The following KTN1 variants were observed in gnomAD, a reference collection of about 807,000 sequenced individuals.
KTN1 encodes kinectin.
Under a neutral mutation model 222.5 loss-of-function variants are expected in KTN1, and 130 were observed. The ratio of observed to expected loss-of-function variants is 0.58; its 90% CI spans 0.51 to 0.68. The LOEUF is 0.68. KTN1 is among the 30% of genes least tolerant of loss of function. The pLI is 0.00. For missense variants in KTN1, 1,508 were observed against 1,500.4 expected, an observed-to-expected ratio of 1.01 and a Z score of -0.08; for synonymous variants, 512 against 496.3, an observed-to-expected ratio of 1.03 and a Z score of -0.42.
intron 2 of KTN1, among the ~76,000 whole-genome samples, chr14:55,613,032 C>G (rs1290979303): frequency 6.6e-6 from 1 of 152,134 alleles, no homozygotes; most frequent in Non-Finnish European, 1.5e-5. Flanking sequence ...AGGTGAAAAG[C>G]TAAAATCAGA....
In KTN1 at chr14:55,606,235, C is replaced by T. The variant is rs1047139575; in HGVS notation, c.-30-5784C>T. On this transcript the variant is annotated intron_variant, in intron 1 of 43. Coordinates refer to ENST00000395314, the MANE Select transcript of KTN1 (RefSeq NM_001079521.2). ...TAGGCTACTCTGGAAGCCTGTATAT[C>T]TTAAAGGTGTATTCATTTAGTTGTC... is the stretch of plus-strand genomic sequence containing the variant. 2.0e-5 allele frequency among the ~76,000 whole-genome samples: 3 copies of T among 152,166 alleles called. No homozygotes were observed. In the East Asian group the frequency reaches 5.8e-4, roughly 29 times the overall value.
At chr14:55,680,162 A>G (rs1313948689) in intron 43 of KTN1, 2 of 158,756 alleles carry the variant, frequency 1.3e-5, no homozygotes, top group African/African-American at 4.8e-5. Context: ...TTTTTATTCA[A>G]GTTTGCTTTT....
chr14:55,605,157 G>T (rs866465959), intron 1 of KTN1, among the ~76,000 whole-genome samples: 8 of 152,098 alleles, frequency 5.3e-5, no homozygotes, highest in African/African-American at 1.4e-4. Flanking sequence ...CTTATTAGTT[G>T]TTCCACCCAA....
intron 41 of KTN1, among the ~76,000 whole-genome samples, chr14:55,677,538 T>C (rs1389704067): frequency 6.6e-6 from 1 of 151,594 alleles, no homozygotes; most frequent in Non-Finnish European, 1.5e-5. Flanking sequence ...TAAAGCAGTA[T>C]GTATGTTAAA....
At chr14:55,630,122 A>C (rs768749987) in intron 7 of KTN1, 25 bp downstream of exon 7, 2 of 1,603,330 alleles carry the variant, frequency 1.2e-6, no homozygotes, top group Non-Finnish European at 1.7e-6. Context: ...TTTGGAAACA[A>C]GATGAAATGG....
intron 4 of KTN1, among the ~76,000 whole-genome samples, chr14:55,618,528 C>G (rs2038708240): frequency 6.6e-6 from 1 of 151,908 alleles, no homozygotes; most frequent in Non-Finnish European, 1.5e-5. Flanking sequence ...TACACAACTA[C>G]CTTTTAAAAC....
chr14:55,667,446 C>G, intron 34 of KTN1, 116 bp downstream of exon 34: 1 of 530,026 alleles, frequency 1.9e-6, no homozygotes, highest in South Asian at 3.1e-5. Context: ...TTGATCTTTC[C>G]TATTGTTAAG....
At position 55,652,812 on chromosome 14, in the gene KTN1, A is replaced by C. The variant is rs2043079249; in HGVS notation, c.2604-38A>C. ...AGATTTTTGCTTTTTATGGTCATGT[A>C]ACATTTTCATTTAGAGTTCTGATTA... On this transcript the variant is annotated intron_variant, in intron 25 of 43. Coordinates refer to ENST00000395314, the MANE Select transcript of KTN1 (RefSeq NM_001079521.2). 5 of 1,447,654 alleles carry C rather than the reference A, an allele frequency of 3.5e-6. No individual in the cohort carries two copies. The East Asian group carries it at 1.1e-4, about 33-fold the overall frequency. 89.7% of individuals were successfully genotyped at this position (1,447,654 alleles called of 1,614,324 possible).
intron 18 of KTN1, among the ~76,000 whole-genome samples, chr14:55,645,503 A>C (rs1336257352): frequency 6.6e-6 from 1 of 152,220 alleles, no homozygotes; most frequent in Non-Finnish European, 1.5e-5. Flanking sequence ...TAAATGGTTA[A>C]GGTGCAGGTA....
At chr14:55,584,631 C>G (rs1239468691) in intron 1 of KTN1, among the ~76,000 whole-genome samples, 1 of 152,150 alleles carries the variant, frequency 6.6e-6, no homozygotes. Context: ...TTGTACCTTG[C>G]TCCGTTTTCT....
chr14:55,650,324 G>A lies in KTN1; in HGVS notation c.2406-4G>A. 6.3e-7 allele frequency: 1 copy of A among 1,579,840 alleles called. No homozygotes were observed. The highest frequency in any genetic ancestry group is 8.6e-7 in the Non-Finnish European group (1 of 1,163,890). On this transcript the variant is annotated splice_region_variant and splice_polypyrimidine_tract_variant and intron_variant, in intron 22 of 43. Coordinates refer to ENST00000395314, the MANE Select transcript of KTN1 (RefSeq NM_001079521.2). ...TCAAATTATACTGCATTTCTTTATT[G>A]AAGGATCCATGAGAAAGATGGAAAG...
At chr14:55,671,209 TG>T in intron 35 of KTN1, 2 of 253,872 alleles carry the variant, frequency 7.9e-6, no homozygotes, top group Non-Finnish European at 1.5e-5. Context: ...CTACTGAAAT[TG>T]GGGGGGATTT....
intron 28 of KTN1, among the ~76,000 whole-genome samples, 181 bp from the exon 29 acceptor site, chr14:55,655,861 A>AG: frequency 6.6e-6 from 1 of 152,324 alleles, no homozygotes; most frequent in South Asian, 2.1e-4. Context: ...AATGTTAAGT[A>AG]TGACTGAGTA....
intron 1 of KTN1, among the ~76,000 whole-genome samples, chr14:55,585,865 A>C (rs1178718029): frequency 6.6e-6 from 1 of 152,228 alleles, no homozygotes; most frequent in Non-Finnish European, 1.5e-5. Context: ...CCGTAGGATC[A>C]TAGCAGCCTA....
intron 43 of KTN1, chr14:55,680,706 C>A: frequency 2.9e-6 from 4 of 1,366,686 alleles, no homozygotes; most frequent in African/African-American, 1.5e-5. Context: ...CTCTGGCCTA[C>A]CTTGACACAT....
In KTN1 at chr14:55,612,122, T is replaced by A. The variant is rs1208376934; in HGVS notation, c.74T>A (p.Phe25Tyr). The A allele has an allele frequency of 7.7e-6, 12 of 1,564,062 alleles. No individual in the cohort carries two copies. The highest frequency in any genetic ancestry group is 9.5e-6 in the Non-Finnish European group (11 of 1,163,014). Residue 25 changes from phenylalanine (F) to tyrosine (Y), a missense_variant, in exon 2 of 44, where the codon TTC becomes TAC. By Grantham distance (22) the Phe-to-Tyr change is conservative. Coordinates refer to ENST00000395314, the MANE Select transcript of KTN1 (RefSeq NM_001079521.2). ...SIVITVIFLF[F>Y]WLFMKETLYD... Reference sequence around the variant, plus strand: ...GTTATTACAGTAATTTTCCTCTTCTTCTGGCTTTTCATGAAAGAAACATTA... The same window carrying A: ...GTTATTACAGTAATTTTCCTCTTCTACTGGCTTTTCATGAAAGAAACATTA...
chr14:55,619,596 C>T (rs116055992), intron 5 of KTN1, among the ~76,000 whole-genome samples: 2,463 of 152,100 alleles, frequency 0.016, 38 homozygotes, highest in African/African-American at 0.043. Context: ...GTGAAAGGCA[C>T]GTCTTATATG....
chr14:55,653,765 T>G (rs940880572), intron 28 of KTN1, among the ~76,000 whole-genome samples, 169 bp downstream of exon 28: 3 of 152,180 alleles, frequency 2.0e-5, no homozygotes, highest in African/African-American at 7.2e-5. Context: ...AAAATAAAGG[T>G]TATTTAAATG....
intron 1 of KTN1, among the ~76,000 whole-genome samples, chr14:55,586,199 T>G (rs540267727): frequency 6.6e-6 from 1 of 152,314 alleles, no homozygotes; most frequent in South Asian, 2.1e-4. Context: ...CATAATGTTC[T>G]GTGGGGTAGT....
Sources: allele counts gnomAD v4.1 joint callset (sites outside exome capture counted in the v4.1 genomes callset), GRCh38; gene constraint gnomAD v4.1.1; transcripts MANE v1.5; gene names NCBI Gene and HGNC (gene_info 2026-07-23, HGNC 2026-07-21).